Variants in CR1L observed in about 807,000 individuals in gnomAD.
CR1L encodes complement component receptor 1-like protein.
Under a neutral mutation model 62.3 loss-of-function variants are expected in CR1L, and 59 were observed. The ratio of observed to expected loss-of-function variants is 0.95; its 90% confidence interval spans 0.77 to 1.18. The LOEUF (loss-of-function observed/expected upper bound fraction) is 1.18. CR1L is among the 50% of genes most tolerant of loss of function. CR1L has a pLI of 0.00. For synonymous variants in CR1L, 279 were observed against 248.7 expected, an observed-to-expected ratio of 1.12 and a Z score of -1.15; for missense variants, 700 against 702.8, an observed-to-expected ratio of 1.00 and a Z score of 0.04.
chr1:207,645,609 G>C (rs1425650358), intron 1 of CR1L, among the ~76,000 whole-genome samples: 1 of 152,190 alleles, frequency 6.6e-6, no homozygotes, highest in Non-Finnish European at 1.5e-5. Flanking sequence ...GTGTTTTCGG[G>C]ATTGAGCCCA....
chr1:207,700,905 T>A (rs1394719445), intron 8 of CR1L, among the ~76,000 whole-genome samples: 4 of 152,268 alleles, frequency 2.6e-5, no homozygotes, highest in Non-Finnish European at 5.9e-5. Flanking sequence ...TTCATTAAAG[T>A]TGTAAAGTAA....
chr1:207,666,365 C>T (rs1268071996), intron 1 of CR1L, among the ~76,000 whole-genome samples: 1 of 152,152 alleles, frequency 6.6e-6, no homozygotes, highest in Non-Finnish European at 1.5e-5. Context: ...TAATTCTGAC[C>T]AGCCAGGCAA....
chr1:207,676,806 C>T (rs1663698686), intron 1 of CR1L, among the ~76,000 whole-genome samples: 1 of 152,100 alleles, frequency 6.6e-6, no homozygotes, highest in Admixed American at 6.5e-5. Flanking sequence ...AGGCACATGC[C>T]ACCATGCTCT....
In CR1L at chr1:207,701,603, A is replaced by G. The variant is rs1338431421; in HGVS notation, c.1313A>G (p.Tyr438Cys). ...TDIHVGSRIN[Y>C]SCTTGHRLIG... ...ATCCATGTTGGATCCAGAATCAACT[A>G]TTCTTGTACTACAGGGTGAGTTGGC... Residue 438 changes from tyrosine to cysteine, a missense_variant, in exon 9 of 12, where the codon TAT becomes TGT. Physicochemically the swap from Tyr to Cys is radical, Grantham distance 194 (BLOSUM62 -2). Transcript: ENST00000508064. The G allele has an allele frequency of 1.2e-6, 2 of 1,613,768 alleles. No individual in the cohort carries two copies. Among genetic ancestry groups the G allele is most frequent in the Non-Finnish European group, 1.7e-6 (2 of 1,179,732 alleles).
intron 1 of CR1L, among the ~76,000 whole-genome samples, chr1:207,670,344 GAT>G (rs1014791908): frequency 6.6e-6 from 1 of 151,266 alleles, no homozygotes; most frequent in Non-Finnish European, 1.5e-5. Flanking sequence ...AGGGACAGTA[GAT>G]ATGTTTACAA....
intron 4 of CR1L, among the ~76,000 whole-genome samples, chr1:207,694,035 A>C (rs1475815161): frequency 6.6e-6 from 1 of 152,208 alleles, no homozygotes; most frequent in Non-Finnish European, 1.5e-5. Context: ...TTATTAACAA[A>C]AATGCAAATT....
At chr1:207,687,937 A>G (rs1340988864) in intron 4 of CR1L, among the ~76,000 whole-genome samples, 1 of 152,024 alleles carries the variant, frequency 6.6e-6, no homozygotes, top group Non-Finnish European at 1.5e-5. Context: ...ATAATATTCA[A>G]TTTATGGGTC....
chr1:207,673,437 T>G (rs1663643762), intron 1 of CR1L, among the ~76,000 whole-genome samples: 1 of 152,250 alleles, frequency 6.6e-6, no homozygotes, highest in African/African-American at 2.4e-5. Flanking sequence ...AGGGTAAGTA[T>G]GCAGAATGGA....
chr1:207,645,177 T>C lies in CR1L; in HGVS notation c.-57T>C. The C allele has an allele frequency of 6.4e-7, 1 of 1,570,696 alleles. No homozygotes were observed. The highest frequency in any genetic ancestry group is 8.7e-7 in the Non-Finnish European group (1 of 1,145,306). On this transcript the variant is annotated 5_prime_UTR_variant, in exon 1 of 12. Coordinates refer to ENST00000508064, the MANE Select transcript of CR1L (RefSeq NM_175710.2). ...CTCAGAAGGGACTTCCCTGCTCGGC[T>C]GGCTTTCGGTTTCTCTGCTCACCTC...
chr1:207,716,860 A>G (rs1381103667), intron 10 of CR1L, among the ~76,000 whole-genome samples: 4 of 152,210 alleles, frequency 2.6e-5, no homozygotes, highest in Non-Finnish European at 4.4e-5. Context: ...AAACAGAAGA[A>G]AAGAAGGAAG....
intron 9 of CR1L, among the ~76,000 whole-genome samples, chr1:207,707,785 T>TACACACGCACAC (rs1664290470): frequency 7.9e-6 from 1 of 126,706 alleles, no homozygotes; most frequent in Non-Finnish European, 1.7e-5. Flanking sequence ...GGCATAGTAT[T>TACACACGCACAC]ACACACACAC....
intron 8 of CR1L, among the ~76,000 whole-genome samples, chr1:207,699,938 A>G (rs530987144): frequency 1.2e-4 from 18 of 152,330 alleles, no homozygotes; most frequent in Admixed American, 5.9e-4. Context: ...GTGGGGAGTA[A>G]CATTAGACAG....
At chr1:207,682,462 A>AAAT (rs1189021351) in intron 3 of CR1L, among the ~76,000 whole-genome samples, 2 of 152,136 alleles carry the variant, frequency 1.3e-5, no homozygotes, top group Admixed American at 1.3e-4. Context: ...TCTATCTCAA[A>AAAT]AATAATAATA....
intron 10 of CR1L, among the ~76,000 whole-genome samples, chr1:207,715,864 T>G (rs1653986647): frequency 6.6e-6 from 1 of 152,106 alleles, no homozygotes; most frequent in Admixed American, 6.5e-5. Flanking sequence ...CCTGGCTAAT[T>G]TTTTATATTT....
intron 3 of CR1L, among the ~76,000 whole-genome samples, chr1:207,682,715 T>A (rs180827028): frequency 1.3e-5 from 2 of 152,306 alleles, no homozygotes; most frequent in East Asian, 3.9e-4. Context: ...ATTGCTTCAT[T>A]CATGTATAGT....
chr1:207,711,427 C>T (rs1244188302), intron 10 of CR1L: 2 of 155,342 alleles, frequency 1.3e-5, no homozygotes, highest in Non-Finnish European at 2.9e-5. Flanking sequence ...CTGGCCTAGA[C>T]AGGATGAAGT....
intron 1 of CR1L, chr1:207,658,828 C>G (rs1663359694): frequency 6.6e-6 from 1 of 152,360 alleles, no homozygotes; most frequent in African/African-American, 2.4e-5. Context: ...ACCAGGAGCC[C>G]TGCAAAGCAG....
chr1:207,690,342 C>T (rs1663978573), intron 4 of CR1L, among the ~76,000 whole-genome samples: 1 of 152,082 alleles, frequency 6.6e-6, no homozygotes, highest in Admixed American at 6.5e-5. Flanking sequence ...GACCCATAGG[C>T]TATTTAGAAG....
intron 3 of CR1L, among the ~76,000 whole-genome samples, chr1:207,681,133 C>A (rs187782627): frequency 6.8e-4 from 104 of 152,292 alleles, no homozygotes; most frequent in African/African-American, 2.4e-3. Flanking sequence ...CTAACCCAAC[C>A]ACCTGGTTCA....
Sources: gnomAD v4.1 joint callset for allele counts (sites outside exome capture counted in the v4.1 genomes callset) on GRCh38, gnomAD v4.1.1 for gene constraint, MANE v1.5 for transcripts, NCBI Gene and HGNC (gene_info 2026-07-23, HGNC 2026-07-21) for gene names.